The following CAMTA1 variants were observed in gnomAD, a reference collection of about 807,000 sequenced individuals.
CAMTA1 encodes the protein calmodulin binding transcription activator 1.
In CAMTA1, 27 loss-of-function variants were observed where a neutral mutation model predicts 170.9. The ratio of observed to expected loss-of-function variants is 0.16; its 90% CI spans 0.12 to 0.22. The LOEUF is 0.22. Among genes scored for constraint, CAMTA1 ranks in the 10% least tolerant of loss-of-function variants. CAMTA1 has a pLI of 1.00. For missense variants in CAMTA1, 1,619 were observed against 2,217.2 expected, an observed-to-expected ratio of 0.73 and a Z score of 5.42; for synonymous variants, 833 against 891.5, an observed-to-expected ratio of 0.93 and a Z score of 1.17.
chr1:7,699,916 T>C (rs533688936), intron 11 of CAMTA1, among the ~76,000 whole-genome samples: 35 of 152,346 alleles, frequency 2.3e-4, no homozygotes, highest in African/African-American at 8.2e-4. Flanking sequence ...CTCTTTATAT[T>C]TGAGATACAA....
chr1:7,675,522 T>G (rs115271564), intron 10 of CAMTA1, among the ~76,000 whole-genome samples: 2,096 of 152,208 alleles, frequency 0.014, 40 homozygotes, highest in African/African-American at 0.047. Flanking sequence ...GGCTGATCTT[T>G]CCAGATGTAA....
At chr1:6,885,558 C>T (rs1466362226) in intron 3 of CAMTA1, among the ~76,000 whole-genome samples, 2 of 152,216 alleles carry the variant, frequency 1.3e-5, no homozygotes, top group Non-Finnish European at 2.9e-5. Context: ...GGTATTTGGT[C>T]TGCAGTAGGC....
intron 5 of CAMTA1, among the ~76,000 whole-genome samples, chr1:7,452,534 C>A (rs1054139699): frequency 6.6e-6 from 1 of 152,224 alleles, no homozygotes; most frequent in Non-Finnish European, 1.5e-5. Flanking sequence ...CCCTTCTTCC[C>A]TCCCTCTGCC....
At chr1:7,569,129 C>G (rs971492963) in intron 6 of CAMTA1, among the ~76,000 whole-genome samples, 3 of 150,754 alleles carry the variant, frequency 2.0e-5, no homozygotes, top group African/African-American at 7.3e-5. Context: ...ATCACCATCT[C>G]CATCATCATC....
chr1:7,747,603 C>A, intron 18 of CAMTA1, 107 bp from the exon 19 acceptor site: 1 of 618,396 alleles, frequency 1.6e-6, no homozygotes, highest in Non-Finnish European at 2.7e-6. Context: ...TTTGGTAAAC[C>A]TGGGATCTCA....
intron 5 of CAMTA1, chr1:7,370,302 A>T (rs186654557): frequency 1.3e-5 from 2 of 152,372 alleles, no homozygotes; most frequent in African/African-American, 4.8e-5. Flanking sequence ...GTGTATGCTA[A>T]ATTTTAATGG....
At chr1:6,857,674 C>T (rs571155466) in intron 3 of CAMTA1, among the ~76,000 whole-genome samples, 5 of 150,360 alleles carry the variant, frequency 3.3e-5, no homozygotes, top group South Asian at 4.2e-4. Context: ...AGAAGGCATT[C>T]GTTAACTCAA....
At chr1:7,223,219 T>C (rs182461741) in intron 4 of CAMTA1, among the ~76,000 whole-genome samples, 2 of 147,770 alleles carry the variant, frequency 1.4e-5, no homozygotes, top group Admixed American at 6.8e-5. Flanking sequence ...ATGTACTGAA[T>C]GTTTCCTACA....
intron 19 of CAMTA1, chr1:7,750,823 T>A (rs1206275461): frequency 1.1e-5 from 3 of 263,986 alleles, no homozygotes; most frequent in African/African-American, 6.7e-5. Context: ...CATAAAAAAA[T>A]TATGTTAGTG....
chr1:7,693,880 T>C (rs2096345991), intron 11 of CAMTA1: 1 of 152,238 alleles, frequency 6.6e-6, no homozygotes, highest in African/African-American at 2.4e-5. Flanking sequence ...GACCCCACCC[T>C]AAGTCACATT....
intron 5 of CAMTA1, among the ~76,000 whole-genome samples, chr1:7,447,504 G>T (rs2092709890): frequency 1.3e-5 from 2 of 152,056 alleles, no homozygotes; most frequent in Admixed American, 6.5e-5. Flanking sequence ...GTTCCCACAT[G>T]GGCTTCTTCT....
intron 3 of CAMTA1, among the ~76,000 whole-genome samples, chr1:7,040,124 C>T (rs1334714591): frequency 2.0e-5 from 3 of 151,522 alleles, no homozygotes; most frequent in South Asian, 2.1e-4. Context: ...ACCACAGCCC[C>T]ACCTTTCAAG....
rs111374506 is a variant in CAMTA1 at position 6,841,369 on chromosome 1, G to A, written c.234+16159G>A. ...GGGTGTGTATATCTTTGGGGTTCCTGTTCTTCCTTTCACAGAGGGTATCAC... is the reference window on the plus strand; with the variant it reads ...GGGTGTGTATATCTTTGGGGTTCCTATTCTTCCTTTCACAGAGGGTATCAC... On this transcript the variant is annotated intron_variant, in intron 3 of 22. Transcript: ENST00000303635. Among the ~76,000 whole-genome samples the A allele has an allele frequency of 8.4e-3, 1,277 of 152,262 alleles. 16 individuals carry two copies. Among genetic ancestry groups the A allele is most frequent in the African/African-American group, 0.028 (1,160 of 41,552 alleles).
chr1:7,407,972 G>A (rs2090420899), intron 5 of CAMTA1, among the ~76,000 whole-genome samples: 1 of 152,180 alleles, frequency 6.6e-6, no homozygotes. Flanking sequence ...GGAGCCAGAA[G>A]TTCTCAACAA....
In CAMTA1 at chr1:7,588,241, C is replaced by A. The variant is rs977502472; in HGVS notation, c.511-52159C>A. Among the ~76,000 whole-genome samples, 1 of 152,096 alleles carries A rather than the reference C, an allele frequency of 6.6e-6. No individual in the cohort carries two copies. Among genetic ancestry groups the A allele is most frequent in the Admixed American group, 6.5e-5 (1 of 15,290 alleles). ...AGGACAAGCTCCTGTGGCCAGACAA[C>A]CCCCGCCCCAGTTCTCACTGCCTCT... On this transcript the variant is annotated intron_variant, in intron 6 of 22. Transcript: ENST00000303635. The surrounding 1 kb of genome is among the most constrained non-coding windows in gnomAD (Gnocchi z 5.8).
chr1:7,663,346 TC>T lies in CAMTA1; in HGVS notation c.806-5del, dbSNP rs200318010. Reference sequence around the variant, plus strand: ...TGCGTGCGCGTGTTGTGTTCCGATCTCCGCAGGAGCTGGCGGCAGCGTGCAT... The same window carrying T: ...TGCGTGCGCGTGTTGTGTTCCGATCTCGCAGGAGCTGGCGGCAGCGTGCAT... On this transcript the variant is annotated splice_region_variant and splice_polypyrimidine_tract_variant and intron_variant, in intron 8 of 22. Transcript: ENST00000303635. The T allele has an allele frequency of 9.0e-3, 13,609 of 1,519,790 alleles. 110 individuals are homozygous for T. Among genetic ancestry groups the T allele is most frequent in the South Asian group, 0.024 (1,861 of 76,220 alleles). The allele number at this position is 1,519,790 out of a possible 1,614,324, so 94.1% of individuals were successfully genotyped here.
At chr1:6,860,964 CTTTT>C (rs1247559136) in intron 3 of CAMTA1, among the ~76,000 whole-genome samples, 5 of 127,866 alleles carry the variant, frequency 3.9e-5, no homozygotes, top group Non-Finnish European at 5.0e-5. Context: ...GTGTGACTTA[CTTTT>C]TTTTTTTTTT....
At chr1:7,555,736 C>T (rs763012708) in intron 6 of CAMTA1, among the ~76,000 whole-genome samples, 6 of 148,112 alleles carry the variant, frequency 4.1e-5, no homozygotes, top group Non-Finnish European at 7.5e-5. Context: ...ACGTGGTCCC[C>T]CAAACCAAGC....
intron 5 of CAMTA1, among the ~76,000 whole-genome samples, chr1:7,366,925 G>A (rs1352371339): frequency 1.3e-5 from 2 of 152,302 alleles, no homozygotes; most frequent in East Asian, 3.9e-4. Flanking sequence ...ACAGGCACCT[G>A]GCGTCTGGTT....
Sources: allele counts gnomAD v4.1 joint callset (sites outside exome capture counted in the v4.1 genomes callset), GRCh38; gene constraint gnomAD v4.1.1; non-coding constraint Gnocchi (gnomAD v3.1); transcripts MANE v1.5; gene names NCBI Gene and HGNC (gene_info 2026-07-23, HGNC 2026-07-21).